Variants in FANCB observed in about 807,000 individuals in gnomAD.
The protein encoded by FANCB is FA complementation group B, also known as Fanconi anemia group B protein.
A neutral mutation model predicts 38.9 loss-of-function variants in FANCB; 5 were observed. The ratio of observed to expected loss-of-function variants is 0.13; its 90% CI spans 0.07 to 0.27. The LOEUF is 0.27. Ranked by LOEUF, FANCB falls within the 10% of genes least tolerant of loss-of-function variation. The pLI is 1.00. For synonymous variants in FANCB, 236 were observed against 215.4 expected, an observed-to-expected ratio of 1.10 and a Z score of -0.84; for missense variants, 573 against 602.7, an observed-to-expected ratio of 0.95 and a Z score of 0.52.
the FANCB span, among the ~76,000 whole-genome samples, chrX:14,805,962 A>G: frequency 3.6e-5 from 4 of 112,261 alleles, no homozygotes; most frequent in Non-Finnish European, 7.5e-5. Flanking sequence ...TGTTCTAAAC[A>G]TTGGTGAGTA....
At chrX:14,723,453 G>A in the FANCB span, among the ~76,000 whole-genome samples, 3 of 111,930 alleles carry the variant, frequency 2.7e-5, no homozygotes, top group East Asian at 2.8e-4. Flanking sequence ...TCACTTTTGC[G>A]TTCCTCTAGG....
chrX:14,703,478 T>G, the FANCB span, among the ~76,000 whole-genome samples: 1 of 111,995 alleles, frequency 8.9e-6, no homozygotes, highest in Non-Finnish European at 1.9e-5. Context: ...TGTGAGCACG[T>G]AGATCATCTA....
the FANCB span, among the ~76,000 whole-genome samples, chrX:14,830,133 G>T: frequency 5.4e-5 from 6 of 111,918 alleles, no homozygotes; most frequent in African/African-American, 2.0e-4. Context: ...CCGGTAGGTA[G>T]AGTAGTCAGA....
chrX:14,696,735 T>C, the FANCB span, among the ~76,000 whole-genome samples: 1 of 111,704 alleles, frequency 9.0e-6, no homozygotes, highest in Non-Finnish European at 1.9e-5. Flanking sequence ...AAAGATATGG[T>C]TTGGGCATTG....
chrX:14,731,383 T>TGACTA, the FANCB span: 1 of 111,971 alleles, frequency 8.9e-6, no homozygotes, highest in Admixed American at 9.6e-5. Context: ...CGCCCAACTG[T>TGACTA]GACTAGTCAT....
At chrX:14,800,798 T>C in the FANCB span, among the ~76,000 whole-genome samples, 1 of 111,912 alleles carries the variant, frequency 8.9e-6, no homozygotes, top group Non-Finnish European at 1.9e-5. Flanking sequence ...GTACTTGTCA[T>C]TTTGGTCTGT....
the FANCB span, among the ~76,000 whole-genome samples, chrX:14,775,498 G>A: frequency 9.0e-6 from 1 of 111,406 alleles, no homozygotes; most frequent in Non-Finnish European, 1.9e-5. Context: ...CTAGGCAAGG[G>A]TGCAAGCTGT....
At chrX:14,719,148 G>T in the FANCB span, among the ~76,000 whole-genome samples, 1 of 111,694 alleles carries the variant, frequency 9.0e-6, no homozygotes, top group African/African-American at 3.3e-5. Context: ...ATAGAAAGCT[G>T]TTTTTTGTTA....
the FANCB span, among the ~76,000 whole-genome samples, chrX:14,775,000 T>C: frequency 9.1e-6 from 1 of 109,538 alleles, no homozygotes; most frequent in Non-Finnish European, 1.9e-5. Context: ...GCCCGGCTAA[T>C]TTTTTGTATT....
chrX:14,855,831 T>C (rs1460366740), intron 5 of FANCB, among the ~76,000 whole-genome samples: 1 of 112,240 alleles, frequency 8.9e-6, no homozygotes, highest in East Asian at 2.8e-4. Context: ...CCAATTTAAG[T>C]TCAATACACA....
At chrX:14,804,041 G>C in the FANCB span, among the ~76,000 whole-genome samples, 1 of 111,973 alleles carries the variant, frequency 8.9e-6, no homozygotes, top group East Asian at 2.8e-4. Context: ...TGGTGGGACT[G>C]TAAACTAGTT....
intron 5 of FANCB, among the ~76,000 whole-genome samples, chrX:14,855,803 C>A (rs1182582925): frequency 8.9e-6 from 1 of 112,128 alleles, no homozygotes; most frequent in Non-Finnish European, 1.9e-5. Flanking sequence ...TTGTTTCTGT[C>A]AGATGCCTGG....
At chrX:14,818,869 A>G in the FANCB span, among the ~76,000 whole-genome samples, 5 of 112,269 alleles carry the variant, frequency 4.5e-5, no homozygotes, top group East Asian at 1.4e-3. Context: ...TTTGGGTACT[A>G]AATTTTCAAC....
the FANCB span, among the ~76,000 whole-genome samples, chrX:14,813,698 A>G: frequency 2.7e-5 from 3 of 111,831 alleles, no homozygotes; most frequent in Non-Finnish European, 3.8e-5. Context: ...ATGGAAGAAC[A>G]TTCCATGCTC....
At chrX:14,828,592 C>G in the FANCB span, among the ~76,000 whole-genome samples, 1 of 112,200 alleles carries the variant, frequency 8.9e-6, no homozygotes. Context: ...GGCTTCACTT[C>G]TAGTGCTAGT....
At chrX:14,780,984 C>T in the FANCB span, among the ~76,000 whole-genome samples, 1 of 108,795 alleles carries the variant, frequency 9.2e-6, no homozygotes, top group Admixed American at 9.7e-5. Context: ...TGGGAGGCAG[C>T]CCCAGGAAGC....
the FANCB span, among the ~76,000 whole-genome samples, chrX:14,793,594 T>C: frequency 8.9e-6 from 1 of 112,246 alleles, no homozygotes; most frequent in Non-Finnish European, 1.9e-5. Context: ...CAATATTTTC[T>C]GTGTCAGTGA....
chrX:14,834,814 A>ATC (rs1569079956), downstream of FANCB: 16 of 556,077 alleles, frequency 2.9e-5, no homozygotes, highest in East Asian at 1.0e-4. Context: ...TCATCATCAA[A>ATC]ATCATCATCA....
At chrX:14,761,841 C>T in the FANCB span, among the ~76,000 whole-genome samples, 25 of 110,918 alleles carry the variant, frequency 2.3e-4, no homozygotes, top group Non-Finnish European at 2.1e-4. Flanking sequence ...GACTCTAAGG[C>T]TCTAAGGGTG....
Sources: gnomAD v4.1 joint callset for allele counts (sites outside exome capture counted in the v4.1 genomes callset) on GRCh38, gnomAD v4.1.1 for gene constraint, MANE v1.5 for transcripts, NCBI Gene and HGNC (gene_info 2026-07-23, HGNC 2026-07-21) for gene names.